Variants in RIMS2 observed in about 807,000 individuals in gnomAD.
RIMS2 encodes regulating synaptic membrane exocytosis protein 2.
A neutral mutation model predicts 174.4 loss-of-function variants in RIMS2; 59 were observed. The observed-to-expected ratio is 0.34, with a 90% CI of 0.27 to 0.42. RIMS2 has a LOEUF of 0.42. Ranked by LOEUF, RIMS2 falls within the 10% of genes least tolerant of loss-of-function variation. RIMS2 has a pLI of 1.00. For synonymous variants in RIMS2, 606 were observed against 572.5 expected, an observed-to-expected ratio of 1.06 and a Z score of -0.84; for missense variants, 1,620 against 1,666.3, an observed-to-expected ratio of 0.97 and a Z score of 0.48.
chr8:103,604,831 A>ATT (rs2094964581), intron 1 of RIMS2, among the ~76,000 whole-genome samples: 1 of 90,654 alleles, frequency 1.1e-5, no homozygotes, highest in Non-Finnish European at 2.1e-5. Context: ...AATGCTTGTG[A>ATT]TTTTTGTACA....
At chr8:104,167,612 C>T (rs530960454) in intron 19 of RIMS2, among the ~76,000 whole-genome samples, 1 of 152,242 alleles carries the variant, frequency 6.6e-6, no homozygotes, top group East Asian at 1.9e-4. Flanking sequence ...TATTTTCTCC[C>T]ATTCTGTGGG....
intron 19 of RIMS2, among the ~76,000 whole-genome samples, chr8:104,042,934 T>C (rs1164553907): frequency 1.3e-5 from 2 of 151,424 alleles, no homozygotes; most frequent in South Asian, 2.1e-4. Flanking sequence ...CCAGCACTTA[T>C]TTACATTTAA....
At chr8:104,134,087 C>G (rs1430407168) in intron 19 of RIMS2, among the ~76,000 whole-genome samples, 1 of 151,748 alleles carries the variant, frequency 6.6e-6, no homozygotes, top group Non-Finnish European at 1.5e-5. Context: ...GAGGAGACCT[C>G]AAAAAGTTTG....
chr8:103,981,958 T>C (rs922940063), intron 16 of RIMS2, among the ~76,000 whole-genome samples: 5 of 151,938 alleles, frequency 3.3e-5, no homozygotes, highest in African/African-American at 1.2e-4. Context: ...AAAAGATCAA[T>C]GAAACAGGTT....
chr8:103,943,407 T>C (rs527354882), intron 14 of RIMS2, among the ~76,000 whole-genome samples: 7 of 152,322 alleles, frequency 4.6e-5, no homozygotes, highest in Non-Finnish European at 2.9e-5. Context: ...TCTTACACTT[T>C]AGAACTGTAT....
At chr8:103,980,400 C>A (rs1391999346) in intron 16 of RIMS2, among the ~76,000 whole-genome samples, 1 of 152,106 alleles carries the variant, frequency 6.6e-6, no homozygotes, top group Non-Finnish European at 1.5e-5. Flanking sequence ...GAATAAAGAC[C>A]CCCTGGGCGC....
chr8:103,870,988 G>A (rs1051643552), intron 3 of RIMS2, among the ~76,000 whole-genome samples: 25 of 152,182 alleles, frequency 1.6e-4, no homozygotes, highest in Admixed American at 1.5e-3. Flanking sequence ...TTCATTTATG[G>A]CCTCTGCTGC....
At chr8:103,806,358 TA>T (rs1276398941) in intron 3 of RIMS2, among the ~76,000 whole-genome samples, 1 of 152,164 alleles carries the variant, frequency 6.6e-6, no homozygotes, top group Non-Finnish European at 1.5e-5. Flanking sequence ...ACTATAACAC[TA>T]ACTTACATTT....
intron 3 of RIMS2, among the ~76,000 whole-genome samples, chr8:103,879,582 T>C (rs2099157711): frequency 1.3e-5 from 2 of 151,566 alleles, no homozygotes; most frequent in Admixed American, 1.3e-4. Flanking sequence ...TCACATTCTC[T>C]GTCCACATCT....
intron 1 of RIMS2, among the ~76,000 whole-genome samples, chr8:103,648,294 T>C (rs1446344667): frequency 6.6e-6 from 1 of 152,160 alleles, no homozygotes; most frequent in Non-Finnish European, 1.5e-5. Context: ...TGTTTGTTAT[T>C]ATTTCAGTTC....
At chr8:103,697,031 T>G (rs758097823) in intron 1 of RIMS2, 55 bp from the exon 4 acceptor site, 221 of 1,032,170 alleles carry the variant, frequency 2.1e-4, no homozygotes, top group Non-Finnish European at 3.0e-4. Context: ...GTGATAATTT[T>G]TCCTTTAGAG....
intron 19 of RIMS2, among the ~76,000 whole-genome samples, chr8:104,164,237 A>G (rs778156617): frequency 1.6e-4 from 24 of 152,144 alleles, no homozygotes; most frequent in East Asian, 3.9e-4. Context: ...CTGACTTGCC[A>G]TCAGTCAGAA....
chr8:103,959,509 G>A (rs935295517), intron 14 of RIMS2, among the ~76,000 whole-genome samples: 3 of 151,478 alleles, frequency 2.0e-5, no homozygotes, highest in Non-Finnish European at 4.4e-5. Context: ...TGCAACCTCC[G>A]CCTCCTGCCT....
chr8:103,641,356 T>G lies in RIMS2; in HGVS notation c.177-55730T>G, dbSNP rs75371337. On this transcript the variant is annotated intron_variant, in intron 1 of 23. Transcript: ENST00000504942. ...ATTGGGATGCTCATCACCTTAAATA[T>G]TTGTCTTTTCTTTATGTGAGAAACA... is the stretch of plus-strand genomic sequence containing the variant. 9.6e-3 allele frequency among the ~76,000 whole-genome samples: 1,462 copies of G among 152,282 alleles called. 15 individuals are homozygous for G. Among genetic ancestry groups the G allele is most frequent in the South Asian group, 0.018 (85 of 4,826 alleles).
chr8:104,109,068 C>A (rs930523267), intron 19 of RIMS2, among the ~76,000 whole-genome samples: 1 of 151,858 alleles, frequency 6.6e-6, no homozygotes. Flanking sequence ...GAGGCCGAGG[C>A]GGACAGATCA....
intron 19 of RIMS2, among the ~76,000 whole-genome samples, chr8:104,087,592 C>T (rs1481571595): frequency 6.6e-6 from 1 of 152,086 alleles, no homozygotes; most frequent in Non-Finnish European, 1.5e-5. Context: ...TTGAGTATGG[C>T]TCATCCTACC....
chr8:103,767,052 C>T (rs1156787682), intron 3 of RIMS2, among the ~76,000 whole-genome samples: 2 of 152,168 alleles, frequency 1.3e-5, no homozygotes, highest in Non-Finnish European at 2.9e-5. Context: ...CATGTGCTAA[C>T]TCTGTTGTAA....
At chr8:103,596,012 G>A (rs2094466328) in intron 1 of RIMS2, among the ~76,000 whole-genome samples, 1 of 151,770 alleles carries the variant, frequency 6.6e-6, no homozygotes, top group Admixed American at 6.6e-5. Context: ...GGATTGTAGG[G>A]CATTTATACC....
At chr8:103,999,038 GACA>G (rs1363993889) in intron 17 of RIMS2, among the ~76,000 whole-genome samples, 39 of 151,708 alleles carry the variant, frequency 2.6e-4, no homozygotes, top group Non-Finnish European at 3.0e-5. Context: ...TTGAGCCAGT[GACA>G]ACATTTGAGA....
Sources: gnomAD v4.1 joint callset for allele counts (sites outside exome capture counted in the v4.1 genomes callset) on GRCh38, gnomAD v4.1.1 for gene constraint, MANE v1.5 for transcripts, NCBI Gene and HGNC (gene_info 2026-07-23, HGNC 2026-07-21) for gene names.